Variants in SNX15 observed in about 807,000 individuals in gnomAD.
The protein encoded by SNX15 is sorting nexin 15, also known as sorting nexin-15.
Under a neutral mutation model 35.2 loss-of-function variants are expected in SNX15, and 29 were observed. The observed-to-expected ratio is 0.82, with a 90% CI of 0.61 to 1.12. The LOEUF is 1.12. Ranked by LOEUF, SNX15 falls within the 50% of genes most tolerant of loss-of-function variation. SNX15 has a pLI of 0.00. For synonymous variants in SNX15, 189 were observed against 188.2 expected (o/e 1.00, Z -0.03); for missense variants, 400 against 451.5 (o/e 0.89, Z 1.03).
chr11:65,029,733 C>T (rs898550902), intron 1 of SNX15, among the ~76,000 whole-genome samples: 8 of 151,844 alleles, frequency 5.3e-5, no homozygotes, highest in African/African-American at 1.9e-4. Context: ...TGTGCCACCA[C>T]ACCCGGCTAC....
rs1326116567 is a variant in SNX15 at position 65,032,454 on chromosome 11, C to T, written c.159C>T (p.Ser53=). The T allele has an allele frequency of 1.9e-6, 3 of 1,614,136 alleles. No homozygotes were observed. The highest frequency in any genetic ancestry group is 2.5e-6 in the Non-Finnish European group (3 of 1,180,026). ...AGGTGGTGGTCTGGAAGCGGTACAG[C>T]GACTTCCGCAAGCTGCATGGAGACC... ...VKEVVVWKRY[S]DFRKLHGDLA... Residue 53 remains serine, a synonymous_variant, in exon 3 of 8, where the codon AGC becomes AGT. Transcript: ENST00000377244.
At chr11:65,030,704 G>C (rs1167054542) in intron 1 of SNX15, among the ~76,000 whole-genome samples, 1 of 148,752 alleles carries the variant, frequency 6.7e-6, no homozygotes, top group African/African-American at 2.5e-5. Flanking sequence ...TCACCATGTT[G>C]GTTGGCCAGG....
intron 5 of SNX15, 63 bp downstream of exon 5, chr11:65,035,269 C>T: frequency 7.0e-7 from 1 of 1,434,992 alleles, no homozygotes; most frequent in Non-Finnish European, 9.3e-7. Context: ...GGCGGCCACA[C>T]TCCCTCCTCA....
rs895612343 is a variant in SNX15, at chr11:65,039,823, C to T, written c.*31C>T. On this transcript the variant is annotated 3_prime_UTR_variant, in exon 8 of 8. Transcript: ENST00000377244. ...AGTGGGCCATTCCCTGGGACTCTCG[C>T]TCCTGCACTGCCAGCCCCTTCTCCT... The T allele has an allele frequency of 1.4e-6, 2 of 1,432,764 alleles. No individual in the cohort carries two copies. Among genetic ancestry groups the T allele is most frequent in the Admixed American group, 1.8e-5 (1 of 55,494 alleles). 88.8% of individuals were successfully genotyped at this position (1,432,764 alleles called of 1,614,324 possible). A position where few individuals can be genotyped will look rare whatever the true frequency, so the allele number is the denominator to read the frequency against.
chr11:65,027,659 CT>C, intron 1 of SNX15, 23 bp downstream of exon 1: 1 of 1,578,540 alleles, frequency 6.3e-7, no homozygotes, highest in Non-Finnish European at 8.7e-7. Flanking sequence ...CCAGCGCGTA[CT>C]TTACCCTTTT....
Position 65,038,364 on chromosome 11 carries a change from C to T in SNX15, c.665-208C>T, listed in dbSNP as rs1946527179. ...TAAAGACATAATTAGGAAGGTAAGGCTGTTTTTACAGAAGCACATGAACCC... is the reference window on the plus strand; with the variant it reads ...TAAAGACATAATTAGGAAGGTAAGGTTGTTTTTACAGAAGCACATGAACCC... On this transcript the variant is annotated intron_variant, in intron 6 of 7. Transcript: ENST00000377244. 1.2e-5 allele frequency: 14 copies of T among 1,163,502 alleles called. No homozygotes were observed. The South Asian group carries it at 4.5e-4, about 37-fold the overall frequency. The allele number at this position is 1,163,502 out of a possible 1,614,324, so 72.1% of individuals were successfully genotyped here.
At chr11:65,030,591 T>C (rs112607935) in intron 1 of SNX15, among the ~76,000 whole-genome samples, 19,031 of 148,682 alleles carry the variant, frequency 0.13, 1,658 homozygotes, top group African/African-American at 0.24. Context: ...CTCTGCCTCC[T>C]GGGTTCAAGT....
chr11:65,030,778 C>T (rs1352359443), intron 1 of SNX15, among the ~76,000 whole-genome samples: 2 of 152,184 alleles, frequency 1.3e-5, no homozygotes, highest in Non-Finnish European at 2.9e-5. Context: ...GCTGGGATTA[C>T]AGGCATGAGA....
chr11:65,038,529 A>G (rs1378534507), intron 6 of SNX15, 43 bp from the exon 7 acceptor site: 7 of 1,501,282 alleles, frequency 4.7e-6, no homozygotes, highest in Non-Finnish European at 6.2e-6. Flanking sequence ...GGCCTGGGAA[A>G]GGAAGGGCCA....
intron 7 of SNX15, 146 bp downstream of exon 7, chr11:65,038,975 GTTT>G (rs1423817396): frequency 1.1e-5 from 5 of 437,392 alleles, no homozygotes; most frequent in Non-Finnish European, 1.8e-5. Flanking sequence ...TTTTGTTTCT[GTTT>G]TTTTGTTGTT....
rs546801450 is a variant in SNX15 at position 65,039,821 on chromosome 11, C to T, written c.*29C>T. ...GGAGTGGGCCATTCCCTGGGACTCT[C>T]GCTCCTGCACTGCCAGCCCCTTCTC... On this transcript the variant is annotated 3_prime_UTR_variant, in exon 8 of 8. Transcript: ENST00000377244. The T allele has an allele frequency of 4.0e-6, 6 of 1,490,786 alleles. No homozygotes were observed. The South Asian group carries it at 5.8e-5, about 15-fold the overall frequency. The allele number at this position is 1,490,786 out of a possible 1,614,324, so 92.3% of individuals were successfully genotyped here.
intron 1 of SNX15, among the ~76,000 whole-genome samples, chr11:65,028,495 C>T (rs1489761963): frequency 3.9e-5 from 6 of 152,092 alleles, no homozygotes. Context: ...AATATGCTTT[C>T]CCCAAACCGT....
intron 6 of SNX15, 115 bp from the exon 7 acceptor site, chr11:65,038,457 C>T: frequency 7.4e-7 from 1 of 1,343,750 alleles, no homozygotes; most frequent in Non-Finnish European, 9.8e-7. Flanking sequence ...TGGCATTGGT[C>T]CCCTCTACTG....
intron 1 of SNX15, among the ~76,000 whole-genome samples, chr11:65,029,938 G>A (rs1254854021): frequency 1.3e-5 from 2 of 151,958 alleles, no homozygotes; most frequent in Non-Finnish European, 2.9e-5. Context: ...CCACGCTGGT[G>A]TGCAGTGGCA....
In SNX15 at chr11:65,040,539, T is replaced by TA. The variant is rs1436508105; in HGVS notation, c.*749dup. ...TGACAAGTGAAAATTATATGAAATT[T>TA]AAGAGTCCATAAATAAAATTTGTTG... is the stretch of plus-strand genomic sequence containing the variant. On this transcript the variant is annotated 3_prime_UTR_variant, in exon 8 of 8. Transcript: ENST00000377244. 6.6e-6 allele frequency: 1 copy of TA among 152,196 alleles called. No individual in the cohort carries two copies. Among genetic ancestry groups the TA allele is most frequent in the African/African-American group, 2.4e-5 (1 of 41,426 alleles). The allele number at this position is 152,196 out of a possible 1,614,324, so 9.4% of individuals were successfully genotyped here.
intron 1 of SNX15, 142 bp downstream of exon 1, chr11:65,027,778 G>T (rs1045411830): frequency 1.4e-5 from 9 of 650,392 alleles, no homozygotes; most frequent in African/African-American, 3.7e-5. Flanking sequence ...GCAGTACGAG[G>T]CTTAGTTTAC....
chr11:65,039,263 G>A (rs1010958030), intron 7 of SNX15, among the ~76,000 whole-genome samples: 3 of 148,696 alleles, frequency 2.0e-5, no homozygotes, highest in South Asian at 2.1e-4. Context: ...TCGCTCTGTC[G>A]CCCAGGCTGG....
Position 65,035,650 on chromosome 11 carries a change from C to T in SNX15, c.651C>T (p.Pro217=), listed in dbSNP as rs765815353. 4 of 1,605,704 alleles carry T rather than the reference C, an allele frequency of 2.5e-6. No homozygotes were observed. The highest frequency in any genetic ancestry group is 2.2e-5 in the East Asian group (1 of 44,832). ...AGGCTGAGCTTGCCCTCTTCGACCCCTTCTCCAAGGAAGGTAATGAGCTGG... is the reference window on the plus strand; with the variant it reads ...AGGCTGAGCTTGCCCTCTTCGACCCTTTCTCCAAGGAAGGTAATGAGCTGG... ...LTEAELALFD[P]FSKEEGAAPS... Residue 217 remains proline, a synonymous_variant, in exon 6 of 8, where the codon CCC becomes CCT. Transcript: ENST00000377244.
At chr11:65,036,421 G>T (rs1271300051) in intron 6 of SNX15, 1 of 152,266 alleles carries the variant, frequency 6.6e-6, no homozygotes, top group Admixed American at 6.5e-5. Context: ...GTCTCACTTT[G>T]TCGCCCAGTC....
Sources: gnomAD v4.1 joint callset for allele counts (sites outside exome capture counted in the v4.1 genomes callset) on GRCh38, gnomAD v4.1.1 for gene constraint, MANE v1.5 for transcripts, NCBI Gene and HGNC (gene_info 2026-07-23, HGNC 2026-07-21) for gene names.